ZCCHC17: variants seen among roughly 807,000 people sequenced by gnomAD.
ZCCHC17 encodes the protein zinc finger CCHC-type containing 17.
In ZCCHC17, 18 loss-of-function variants were observed where a neutral mutation model predicts 30.6. The ratio of observed to expected loss-of-function variants is 0.59; its 90% confidence interval spans 0.41 to 0.87. The LOEUF is 0.87. Among genes scored for constraint, ZCCHC17 ranks in the 40% least tolerant of loss-of-function variants. The pLI is 0.00. For synonymous variants in ZCCHC17, 88 were observed against 92.4 expected (o/e 0.95, Z 0.27); for missense variants, 263 against 284.2 (o/e 0.93, Z 0.54).
intron 2 of ZCCHC17, among the ~76,000 whole-genome samples, chr1:31,311,066 A>G (rs146667760): frequency 9.2e-5 from 14 of 152,076 alleles, no homozygotes; most frequent in Admixed American, 2.0e-4. Context: ...CTAGCATAAG[A>G]TTTTTGTTTT....
chr1:31,346,928 G>T (rs1263096576), intron 6 of ZCCHC17, 188 bp downstream of exon 6: 4 of 1,301,734 alleles, frequency 3.1e-6, no homozygotes, highest in Non-Finnish European at 4.1e-6. Context: ...TCTTTTCTGA[G>T]TGCTGGCCCT....
chr1:31,342,233 C>T (rs372006638), intron 5 of ZCCHC17, among the ~76,000 whole-genome samples: 7 of 152,130 alleles, frequency 4.6e-5, no homozygotes, highest in Admixed American at 2.0e-4. Context: ...TTAGTAGAGA[C>T]GGGGTTTCAC....
rs1408153550 is a variant in ZCCHC17 at position 31,297,075 on chromosome 1, A to G, written c.-56A>G. On this transcript the variant is annotated splice_region_variant and 5_prime_UTR_variant, in exon 1 of 8. Transcript: ENST00000344147. ...ACTCGGGGACCTGGAGCTGACGCCT[A>G]GTACGTATGAGGAAGAACGGGGTGG... 6.9e-6 allele frequency: 3 copies of G among 434,506 alleles called. No homozygotes were observed. Among genetic ancestry groups the G allele is most frequent in the Non-Finnish European group, 1.2e-5 (3 of 245,294 alleles). 26.9% of individuals were successfully genotyped at this position (434,506 alleles called of 1,614,324 possible). A position where few individuals can be genotyped will look rare whatever the true frequency, so the allele number is the denominator to read the frequency against.
chr1:31,312,647 A>G (rs998011148), intron 2 of ZCCHC17, among the ~76,000 whole-genome samples: 1 of 152,192 alleles, frequency 6.6e-6, no homozygotes. Context: ...GCTATCATCT[A>G]TAAGAATACA....
intron 1 of ZCCHC17, among the ~76,000 whole-genome samples, chr1:31,302,301 T>C (rs1324146049): frequency 2.0e-5 from 3 of 150,900 alleles, no homozygotes; most frequent in African/African-American, 7.3e-5. Flanking sequence ...CTCCTTCTTC[T>C]TCTATATCCT....
intron 5 of ZCCHC17, among the ~76,000 whole-genome samples, chr1:31,343,950 G>A (rs550170413): frequency 6.7e-6 from 1 of 150,348 alleles, no homozygotes; most frequent in South Asian, 2.1e-4. Context: ...CACCTCCTGG[G>A]TTCAAGCAAT....
At chr1:31,349,433 C>T (rs189571414) in intron 7 of ZCCHC17, among the ~76,000 whole-genome samples, 8 of 152,210 alleles carry the variant, frequency 5.3e-5, no homozygotes, top group Non-Finnish European at 8.8e-5. Context: ...CAGGTTCAAG[C>T]GATTCTCATG....
chr1:31,304,308 G>A (rs375726799), intron 1 of ZCCHC17, among the ~76,000 whole-genome samples: 29 of 148,456 alleles, frequency 2.0e-4, no homozygotes, highest in African/African-American at 5.2e-4. Flanking sequence ...AGTCTCTGTT[G>A]CCCAGGGTGG....
At chr1:31,318,485 T>C (rs1301335155) in intron 2 of ZCCHC17, among the ~76,000 whole-genome samples, 1 of 152,148 alleles carries the variant, frequency 6.6e-6, no homozygotes, top group Non-Finnish European at 1.5e-5. Context: ...TGCAGAAGAC[T>C]GAGGGGACAA....
At chr1:31,323,339 T>C (rs75853688) in intron 3 of ZCCHC17, among the ~76,000 whole-genome samples, 1 of 152,244 alleles carries the variant, frequency 6.6e-6, no homozygotes, top group South Asian at 2.1e-4. Context: ...TTTTTTTTTT[T>C]GAGACGGAGT....
chr1:31,332,048 G>A (rs1638615505), intron 3 of ZCCHC17, among the ~76,000 whole-genome samples: 1 of 152,188 alleles, frequency 6.6e-6, no homozygotes, highest in Admixed American at 6.5e-5. Context: ...TAATGTAATT[G>A]TTCAGGTATT....
chr1:31,336,808 A>G (rs6689037), intron 3 of ZCCHC17, among the ~76,000 whole-genome samples: 118,683 of 151,600 alleles, frequency 0.78, 46,846 homozygotes, highest in African/African-American at 0.84. Context: ...AGAGCTACAG[A>G]CACGTGCCAC....
chr1:31,322,641 G>C (rs1228121202), intron 3 of ZCCHC17, among the ~76,000 whole-genome samples: 1 of 152,010 alleles, frequency 6.6e-6, no homozygotes, highest in Non-Finnish European at 1.5e-5. Flanking sequence ...AGACATGGTT[G>C]ATTAAATTAT....
At chr1:31,352,275 G>A (rs1234747875) in intron 7 of ZCCHC17, among the ~76,000 whole-genome samples, 1 of 151,944 alleles carries the variant, frequency 6.6e-6, no homozygotes. Context: ...CTTTGATCTC[G>A]AGAACTCTCT....
At chr1:31,320,934 T>C (rs1350853914) in intron 3 of ZCCHC17, among the ~76,000 whole-genome samples, 1 of 152,192 alleles carries the variant, frequency 6.6e-6, no homozygotes, top group Non-Finnish European at 1.5e-5. Flanking sequence ...CTTTACATCT[T>C]TGTTAACACT....
chr1:31,323,656 A>T (rs1333330127), intron 3 of ZCCHC17, among the ~76,000 whole-genome samples: 1 of 152,184 alleles, frequency 6.6e-6, no homozygotes, highest in East Asian at 1.9e-4. Flanking sequence ...GTGCAGATGA[A>T]TGTACAATTA....
chr1:31,297,343 AG>A (rs1257744706), intron 1 of ZCCHC17: 3 of 395,206 alleles, frequency 7.6e-6, no homozygotes, highest in Non-Finnish European at 8.9e-6. Flanking sequence ...GGGCATTCCC[AG>A]GGAGAAAGGC....
At chr1:31,358,822 T>A (rs1313319381) in intron 7 of ZCCHC17, among the ~76,000 whole-genome samples, 1 of 152,098 alleles carries the variant, frequency 6.6e-6, no homozygotes, top group Non-Finnish European at 1.5e-5. Flanking sequence ...GTAAGATATA[T>A]AAATTTGGGA....
chr1:31,308,116 A>G (rs1646511575), intron 1 of ZCCHC17, among the ~76,000 whole-genome samples: 1 of 152,224 alleles, frequency 6.6e-6, no homozygotes. Flanking sequence ...TTGCTATGAA[A>G]TGGAAGAGGC....
Sources: allele counts gnomAD v4.1 joint callset (sites outside exome capture counted in the v4.1 genomes callset), GRCh38; gene constraint gnomAD v4.1.1; transcripts MANE v1.5; gene names NCBI Gene and HGNC (gene_info 2026-07-23, HGNC 2026-07-21).